CECR2: variants seen among roughly 807,000 people sequenced by gnomAD.
CECR2 encodes the protein chromatin remodeling regulator CECR2.
In CECR2, 30 loss-of-function variants were observed where a neutral mutation model predicts 154.5. The ratio of observed to expected loss-of-function variants is 0.19; its 90% CI spans 0.15 to 0.26. CECR2 has a LOEUF of 0.26. Among genes scored for constraint, CECR2 ranks in the 10% least tolerant of loss-of-function variants. The probability of loss-of-function intolerance (pLI) is 1.00; values close to 1 mark genes in which losing one functional copy is unlikely to be tolerated. For synonymous variants in CECR2, 725 were observed against 683.7 expected (o/e 1.06, Z -0.94); for missense variants, 1,743 against 1,829.3 (o/e 0.95, Z 0.86).
chr22:17,419,764 A>G (rs945903911), intron 1 of CECR2: 4 of 285,270 alleles, frequency 1.4e-5, no homozygotes, highest in African/African-American at 4.5e-5. Flanking sequence ...TTGTAAAAAG[A>G]TGATGGGGAT....
rs1173054732 is a variant in CECR2 at position 17,369,495 on chromosome 22, G to A, written c.-289G>A. 30,680 of 149,682 alleles carry A rather than the reference G, an allele frequency of 0.2. 4,657 individuals carry two copies. Among genetic ancestry groups the A allele is most frequent in the African/African-American group, 0.43 (17,628 of 41,008 alleles). The allele number at this position is 149,682 out of a possible 1,614,324, so 9.3% of individuals were successfully genotyped here. On this transcript the variant is annotated 5_prime_UTR_variant, in exon 1 of 19. Coordinates refer to ENST00000262608, the MANE Select transcript of CECR2 (RefSeq NM_001290047.2). ...CCGGCGGGGACTCGATTATATTGTA[G>A]GGGACTGGGGGCGGCCGCCGCCGCA...
rs189739764 is a variant in CECR2, at chr22:17,545,242, G to A, written c.2860+2239G>A. Among the ~76,000 whole-genome samples, 293 of 151,750 alleles carry A rather than the reference G, an allele frequency of 1.9e-3. 1 individual carries two copies. Among genetic ancestry groups the A allele is most frequent in the African/African-American group, 6.7e-3 (277 of 41,388 alleles). On this transcript the variant is annotated intron_variant, in intron 16 of 18. Coordinates refer to ENST00000262608, the MANE Select transcript of CECR2 (RefSeq NM_001290047.2). ...ATACAAAAATTAGCCGGACGTGATG[G>A]TAGAGGCCTGTAAGTTCAGCTACTT...
chr22:17,535,696 A>G (rs978042169), intron 9 of CECR2, among the ~76,000 whole-genome samples: 1 of 152,016 alleles, frequency 6.6e-6, no homozygotes, highest in Non-Finnish European at 1.5e-5. Flanking sequence ...AGAAAAAAAA[A>G]AAATAGTTGG....
chr22:17,362,550 AT>A (rs35324586), intron 1 of CECR2, among the ~76,000 whole-genome samples: 55,307 of 151,762 alleles, frequency 0.36, 11,701 homozygotes, highest in Middle Eastern at 0.52. Context: ...TTTTTAGTTC[AT>A]TTTTTTTGTG....
chr22:17,489,616 C>T (rs1027103255), intron 2 of CECR2, among the ~76,000 whole-genome samples: 2 of 152,054 alleles, frequency 1.3e-5, no homozygotes, highest in African/African-American at 4.8e-5. Context: ...CCATCACACC[C>T]TGCTTATTTA....
chr22:17,388,011 G>T (rs1601264245), intron 1 of CECR2, among the ~76,000 whole-genome samples: 1 of 152,050 alleles, frequency 6.6e-6, no homozygotes, highest in Non-Finnish European at 1.5e-5. Flanking sequence ...CTGGAGTGCA[G>T]TGGTGCCATC....
At chr22:17,382,178 CTGTG>C (rs2063205480) in intron 1 of CECR2, among the ~76,000 whole-genome samples, 7 of 151,994 alleles carry the variant, frequency 4.6e-5, no homozygotes, top group South Asian at 2.1e-4. Context: ...GCGTGAGCCA[CTGTG>C]CCCGGCCAGA....
chr22:17,435,731 T>G (rs1381649189), intron 1 of CECR2, among the ~76,000 whole-genome samples: 1 of 147,322 alleles, frequency 6.8e-6, no homozygotes, highest in Non-Finnish European at 1.5e-5. Flanking sequence ...ACCATCCAAC[T>G]TAATCCAGTG....
chr22:17,413,663 GATTATTATTATT>G (rs111990077), intron 1 of CECR2, among the ~76,000 whole-genome samples: 2 of 150,642 alleles, frequency 1.3e-5, no homozygotes, highest in Non-Finnish European at 3.0e-5. Flanking sequence ...TTGGAAGGAG[GATTATTATTATT>G]ATTATTATTA....
intron 1 of CECR2, among the ~76,000 whole-genome samples, chr22:17,417,220 A>C (rs17808658): frequency 6.6e-6 from 1 of 152,216 alleles, no homozygotes; most frequent in Non-Finnish European, 1.5e-5. Flanking sequence ...ATGTAGGCCT[A>C]CCAACAACCA....
At chr22:17,526,381 G>A (rs1031589547) in intron 9 of CECR2, among the ~76,000 whole-genome samples, 2 of 152,162 alleles carry the variant, frequency 1.3e-5, no homozygotes, top group Non-Finnish European at 2.9e-5. Context: ...TTCAACACAC[G>A]TGCTAAGAAC....
rs2056448568 is a variant in CECR2 at position 17,537,088 on chromosome 22, T to G, written c.1109-15T>G. 1 of 1,613,440 alleles carries G rather than the reference T, an allele frequency of 6.2e-7. No homozygotes were observed. The highest frequency in any genetic ancestry group is 2.2e-5 in the East Asian group (1 of 44,864). On this transcript the variant is annotated splice_polypyrimidine_tract_variant and intron_variant, in intron 9 of 18. Transcript: ENST00000262608. ...GGAGTGTGCTTAGCTCACTCAGCCTTTGTGTTCATTGTAGATCGAGCGAAG... is the reference window on the plus strand; with the variant it reads ...GGAGTGTGCTTAGCTCACTCAGCCTGTGTGTTCATTGTAGATCGAGCGAAG...
intron 2 of CECR2, among the ~76,000 whole-genome samples, chr22:17,486,882 C>G (rs1445417213): frequency 6.6e-6 from 1 of 152,134 alleles, no homozygotes; most frequent in African/African-American, 2.4e-5. Context: ...GGTTACAACA[C>G]AAATCGCTGG....
intron 1 of CECR2, among the ~76,000 whole-genome samples, chr22:17,404,364 C>CCTTTTTTTTTTT (rs781954770): frequency 1.7e-4 from 10 of 59,606 alleles, no homozygotes; most frequent in African/African-American, 6.8e-4. Flanking sequence ...GGACCCTGTT[C>CCTTTTTTTTTTT]TTTCTTTTTT....
At chr22:17,523,442 A>G (rs1183975943) in intron 8 of CECR2, among the ~76,000 whole-genome samples, 7 of 151,416 alleles carry the variant, frequency 4.6e-5, no homozygotes, top group Middle Eastern at 3.4e-3. Flanking sequence ...ACTTTTTAAA[A>G]CTTCCTAGCG....
intron 9 of CECR2, among the ~76,000 whole-genome samples, chr22:17,530,517 C>CA (rs966856354): frequency 2.2e-4 from 32 of 147,930 alleles, no homozygotes; most frequent in African/African-American, 5.7e-4. Flanking sequence ...ACTAAAAATA[C>CA]AAAAAAAAAA....
chr22:17,432,669 T>C (rs1389691408), intron 1 of CECR2, among the ~76,000 whole-genome samples: 1 of 152,222 alleles, frequency 6.6e-6, no homozygotes, highest in Non-Finnish European at 1.5e-5. Context: ...AGAGTTTTGC[T>C]CTGTTGCACA....
Position 17,542,642 on chromosome 22 carries a change from A to G in CECR2, c.2499A>G (p.Gly833=), listed in dbSNP as rs776502516. The G allele has an allele frequency of 2.5e-6, 4 of 1,613,936 alleles. No individual in the cohort carries two copies. Among genetic ancestry groups the G allele is most frequent in the Non-Finnish European group, 3.4e-6 (4 of 1,179,876 alleles). The change falls in exon 16 of 19, where the codon GGA becomes GGG. Residue 833 remains glycine, a synonymous_variant. Transcript: ENST00000262608. The part of the protein sequence containing the change: ...WTEQSGFLPH[G]VPSSGYMRPP... ...AACAATCAGGCTTCCTACCTCATGG[A>G]GTTCCTTCCTCAGGGTACATGCGAC...
At chr22:17,411,374 T>G (rs2054066052) in intron 1 of CECR2, among the ~76,000 whole-genome samples, 1 of 152,244 alleles carries the variant, frequency 6.6e-6, no homozygotes, top group African/African-American at 2.4e-5. Context: ...AGATGGTGGC[T>G]TAGCACTTTG....
Sources: gnomAD v4.1 joint callset for allele counts (sites outside exome capture counted in the v4.1 genomes callset) on GRCh38, gnomAD v4.1.1 for gene constraint, MANE v1.5 for transcripts, NCBI Gene and HGNC (gene_info 2026-07-23, HGNC 2026-07-21) for gene names.